Variants in SYT9 observed in about 807,000 individuals in gnomAD.
SYT9 encodes synaptotagmin-9.
A neutral mutation model predicts 48.4 loss-of-function variants in SYT9; 22 were observed. The ratio of observed to expected loss-of-function variants is 0.45; its 90% CI spans 0.32 to 0.65. The LOEUF is 0.65. Ranked by LOEUF, SYT9 falls within the 30% of genes least tolerant of loss-of-function variation. The probability of loss-of-function intolerance (pLI) is 0.03; values close to 1 mark genes in which losing one functional copy is unlikely to be tolerated. For missense variants in SYT9, 577 were observed against 622.0 expected (o/e 0.93, Z 0.77); for synonymous variants, 265 against 245.0 (o/e 1.08, Z -0.76).
intron 2 of SYT9, 41 bp downstream of exon 2, chr11:7,303,431 A>G (rs562661928): frequency 3.3e-6 from 5 of 1,509,958 alleles, no homozygotes; most frequent in African/African-American, 1.4e-5. Flanking sequence ...AGGAAGGACC[A>G]CCCCATTCCC....
chr11:7,421,517 G>C (rs1847353497), intron 6 of SYT9, among the ~76,000 whole-genome samples: 1 of 152,172 alleles, frequency 6.6e-6, no homozygotes, highest in Admixed American at 6.5e-5. Context: ...TAAAAACCAG[G>C]GTTCTGTTTG....
At chr11:7,318,545 C>G (rs1849281401) in intron 3 of SYT9, among the ~76,000 whole-genome samples, 1 of 152,198 alleles carries the variant, frequency 6.6e-6, no homozygotes, top group Non-Finnish European at 1.5e-5. Context: ...AACTCCTAAC[C>G]TCAGTGGATC....
chr11:7,386,625 G>C (rs558101177), intron 3 of SYT9, among the ~76,000 whole-genome samples: 12 of 152,146 alleles, frequency 7.9e-5, no homozygotes, highest in Non-Finnish European at 1.6e-4. Flanking sequence ...TTAGAATGGC[G>C]ATCATTAAAA....
In SYT9 at chr11:7,416,195, C is replaced by G. The variant is rs193028891; in HGVS notation, c.1165+33C>G. 1.5e-3 allele frequency: 2,475 copies of G among 1,612,816 alleles called. 7 individuals carry two copies. The highest frequency in any genetic ancestry group is 8.2e-3 in the South Asian group (745 of 90,996). On this transcript the variant is annotated intron_variant, in intron 4 of 6. Transcript: ENST00000318881. Reference sequence around the variant, plus strand: ...ATTTTCAAATTCAGACTTCCTCATGCACTTCTACTGTAGTAAGTACCTTAT... The same window carrying G: ...ATTTTCAAATTCAGACTTCCTCATGGACTTCTACTGTAGTAAGTACCTTAT...
intron 1 of SYT9, among the ~76,000 whole-genome samples, chr11:7,294,283 T>C (rs908147430): frequency 2.0e-5 from 3 of 152,210 alleles, no homozygotes; most frequent in African/African-American, 7.2e-5. Flanking sequence ...ATTCCACTGC[T>C]AGCCACCCAA....
chr11:7,367,250 T>A (rs1850270178), intron 3 of SYT9, among the ~76,000 whole-genome samples: 2 of 1,514 alleles, frequency 1.3e-3, no homozygotes, highest in African/African-American at 3.1e-3. Context: ...CCCGGCTAAT[T>A]TTTTTTTTTT....
chr11:7,386,343 C>G (rs1338553711), intron 3 of SYT9, among the ~76,000 whole-genome samples: 1 of 151,872 alleles, frequency 6.6e-6, no homozygotes, highest in African/African-American at 2.4e-5. Flanking sequence ...AAGAAACTAC[C>G]ATCAGAGTGA....
chr11:7,240,495 G>A (rs555388765), intron 1 of SYT9, among the ~76,000 whole-genome samples: 52 of 152,212 alleles, frequency 3.4e-4, no homozygotes, highest in African/African-American at 1.2e-3. Context: ...CCTCATAAAT[G>A]TCATAGTAAA....
At chr11:7,353,830 T>C (rs575934496) in intron 3 of SYT9, among the ~76,000 whole-genome samples, 1 of 152,262 alleles carries the variant, frequency 6.6e-6, no homozygotes, top group Non-Finnish European at 1.5e-5. Context: ...AGTATATGTA[T>C]ATTTTCTTGT....
chr11:7,369,794 A>ACAAACAC (rs1564879645), intron 3 of SYT9, among the ~76,000 whole-genome samples: 9 of 143,986 alleles, frequency 6.3e-5, no homozygotes, highest in African/African-American at 2.1e-4. Flanking sequence ...CACACACACA[A>ACAAACAC]ACACACACAC....
At chr11:7,271,924 A>G (rs1372310236) in intron 1 of SYT9, among the ~76,000 whole-genome samples, 1 of 152,182 alleles carries the variant, frequency 6.6e-6, no homozygotes, top group Non-Finnish European at 1.5e-5. Context: ...TAGAGAAAAA[A>G]TGCAGAAGCT....
intron 3 of SYT9, among the ~76,000 whole-genome samples, chr11:7,343,182 C>T (rs994513629): frequency 1.3e-5 from 2 of 152,202 alleles, no homozygotes; most frequent in Non-Finnish European, 2.9e-5. Context: ...TGGTGATTAA[C>T]ATTTGGCTCC....
intron 1 of SYT9, among the ~76,000 whole-genome samples, chr11:7,257,270 C>T (rs1847990346): frequency 6.6e-6 from 1 of 152,240 alleles, no homozygotes; most frequent in East Asian, 1.9e-4. Context: ...ACAGCTAGTG[C>T]CCATATCAAC....
At chr11:7,422,288 T>A (rs1407888719) in intron 6 of SYT9, among the ~76,000 whole-genome samples, 1 of 152,140 alleles carries the variant, frequency 6.6e-6, no homozygotes, top group African/African-American at 2.4e-5. Flanking sequence ...GGTTTATGGA[T>A]TCTAACCATC....
intron 1 of SYT9, among the ~76,000 whole-genome samples, chr11:7,265,027 G>A (rs1457118064): frequency 2.0e-5 from 3 of 152,214 alleles, no homozygotes; most frequent in Non-Finnish European, 4.4e-5. Context: ...TTTTACTTAA[G>A]CAGAAGTGTT....
chr11:7,255,819 G>A (rs1459569059), intron 1 of SYT9, among the ~76,000 whole-genome samples: 2 of 152,142 alleles, frequency 1.3e-5, no homozygotes, highest in Non-Finnish European at 2.9e-5. Flanking sequence ...TCTTTAGATA[G>A]CCAAGCTGTT....
chr11:7,381,013 C>CGGTA (rs1850552019), intron 3 of SYT9, among the ~76,000 whole-genome samples: 1 of 152,084 alleles, frequency 6.6e-6, no homozygotes, highest in Non-Finnish European at 1.5e-5. Context: ...TCTATTTCTC[C>CGGTA]TTCTAAACAA....
intron 1 of SYT9, among the ~76,000 whole-genome samples, chr11:7,240,058 C>G (rs987995137): frequency 1.3e-5 from 2 of 152,086 alleles, no homozygotes; most frequent in Non-Finnish European, 2.9e-5. Context: ...GAATGCAGGT[C>G]TGAGAACAAA....
chr11:7,297,853 T>G (rs962957935), intron 1 of SYT9, among the ~76,000 whole-genome samples: 1 of 152,246 alleles, frequency 6.6e-6, no homozygotes, highest in African/African-American at 2.4e-5. Context: ...TTTGCAGGCA[T>G]TATTCAATTA....
Sources: allele counts gnomAD v4.1 joint callset (sites outside exome capture counted in the v4.1 genomes callset), GRCh38; gene constraint gnomAD v4.1.1; transcripts MANE v1.5; gene names NCBI Gene and HGNC (gene_info 2026-07-23, HGNC 2026-07-21).